SLBP: variants seen among roughly 807,000 people sequenced by gnomAD.
The protein encoded by SLBP is stem-loop histone mRNA binding protein.
SLBP carries 29 observed loss-of-function variants against 39.2 expected under a neutral mutation model. The observed-to-expected ratio is 0.74, with a 90% CI of 0.55 to 1.01. SLBP has a LOEUF of 1.01. Ranked by LOEUF, SLBP falls within the 50% of genes least tolerant of loss-of-function variation. The pLI, the probability that SLBP is intolerant of heterozygous loss-of-function variation, is 0.00. For missense variants in SLBP, 390 were observed against 350.2 expected (o/e 1.11, Z -0.91); for synonymous variants, 129 against 118.7 (o/e 1.09, Z -0.57).
intron 2 of SLBP, among the ~76,000 whole-genome samples, chr4:1,708,625 G>A (rs1716613958): frequency 6.6e-6 from 1 of 152,194 alleles, no homozygotes; most frequent in Non-Finnish European, 1.5e-5. Flanking sequence ...GCCTGTGTAT[G>A]TGAATGACCA....
At chr4:1,697,080 C>T (rs944330337) in intron 5 of SLBP, among the ~76,000 whole-genome samples, 1 of 146,496 alleles carries the variant, frequency 6.8e-6, no homozygotes, top group African/African-American at 2.5e-5. Context: ...ATTGCTTGAA[C>T]CTGGGAGGCG....
At chr4:1,706,788 A>G (rs1716533736) in intron 2 of SLBP, among the ~76,000 whole-genome samples, 1 of 117,448 alleles carries the variant, frequency 8.5e-6, no homozygotes, top group African/African-American at 2.7e-5. Context: ...GAGATCGTGC[A>G]CTGCACTCCA....
chr4:1,698,205 C>G (rs1303188200), intron 5 of SLBP, among the ~76,000 whole-genome samples: 3 of 151,340 alleles, frequency 2.0e-5, no homozygotes, highest in Middle Eastern at 3.4e-3. Flanking sequence ...ACTGAAAATA[C>G]GAAAATTAAC....
rs1716414004 is a variant in SLBP at position 1,703,665 on chromosome 4, C to A, written c.212G>T (p.Arg71Ile). 2 of 1,614,018 alleles carry A rather than the reference C, an allele frequency of 1.2e-6. No individual in the cohort carries two copies. Among genetic ancestry groups the A allele is most frequent in the Non-Finnish European group, 1.7e-6 (2 of 1,179,870 alleles). Residue 71 changes from arginine to isoleucine, a missense_variant, in exon 3 of 8, where the codon AGA (arginine) becomes ATA (isoleucine). Physicochemically the swap from Arg to Ile is moderately conservative, Grantham distance 97. Transcript: ENST00000489418. The stretch of plus-strand genomic sequence containing the variant: ...AACTGCACTTGCCCAGTCAGAGCAT[C>A]TGGAACGGGGTTTAGGGCCTTCAGG... Reference protein sequence around the residue: ...TTPEGPKPRSRCSDWASAVEE... With the variant: ...TTPEGPKPRSICSDWASAVEE...
At position 1,693,560 on chromosome 4, in the gene SLBP, G is replaced by A. The variant is rs573502231; in HGVS notation, c.*37C>T. 12 of 1,264,696 alleles carry A rather than the reference G, an allele frequency of 9.5e-6. No homozygotes were observed. Among genetic ancestry groups the A allele is most frequent in the African/African-American group, 5.9e-5 (4 of 68,244 alleles). The allele number at this position is 1,264,696 out of a possible 1,614,324, so 78.3% of individuals were successfully genotyped here. On this transcript the variant is annotated 3_prime_UTR_variant, in exon 8 of 8. Coordinates refer to ENST00000489418, the MANE Select transcript of SLBP (RefSeq NM_006527.4). ...CCTGGCCAGCCTTCCACCTAGTCGG[G>A]GAGGAGCTGTTTCTCTTCCTGGCCG...
In SLBP at chr4:1,711,933, G is replaced by A; in HGVS notation, c.117C>T (p.Arg39=). 1 of 1,353,354 alleles carries A rather than the reference G, an allele frequency of 7.4e-7. No homozygotes were observed. The highest frequency in any genetic ancestry group is 3.1e-5 in the East Asian group (1 of 32,436). The allele number at this position is 1,353,354 out of a possible 1,614,324, so 83.8% of individuals were successfully genotyped here. The change falls in exon 2 of 8, where the codon CGC becomes CGT. Residue 39 remains arginine (R), a synonymous_variant. Transcript: ENST00000489418. ...CCTCCTCGGCGTCTTCGGGCCTCCA[G>A]CGCCTGCCGTCGGCTCTGCGCTTCC... ...LGRKRRADGR[R]WRPEDAEEAE... is the part of the protein sequence containing the mutation.
At chr4:1,698,038 G>A (rs935217150) in intron 5 of SLBP, among the ~76,000 whole-genome samples, 2 of 151,712 alleles carry the variant, frequency 1.3e-5, no homozygotes, top group Admixed American at 6.6e-5. Flanking sequence ...GAGGTAGGAG[G>A]ATTGCTTGAG....
rs757123258 is a variant in SLBP, at chr4:1,703,713, G to A, written c.177-13C>T. The A allele has an allele frequency of 3.9e-6, 6 of 1,541,530 alleles. No homozygotes were observed. The South Asian group carries it at 4.5e-5, about 11-fold the overall frequency. On this transcript the variant is annotated splice_polypyrimidine_tract_variant and intron_variant, in intron 2 of 7. Coordinates refer to ENST00000489418, the MANE Select transcript of SLBP (RefSeq NM_006527.4). ...AGGAGTGGTAAAGCTGCAATAAAAG[G>A]AAAATGCTACTGAACCATGACACAT...
intron 5 of SLBP, among the ~76,000 whole-genome samples, chr4:1,698,082 T>C (rs1052328872): frequency 6.7e-6 from 1 of 150,170 alleles, no homozygotes; most frequent in East Asian, 2.0e-4. Context: ...GCCATGATGG[T>C]TGGGCGTGGT....
At chr4:1,710,778 G>A (rs1446109492) in intron 2 of SLBP, among the ~76,000 whole-genome samples, 1 of 151,790 alleles carries the variant, frequency 6.6e-6, no homozygotes, top group Non-Finnish European at 1.5e-5. Flanking sequence ...GGCCGGGCGC[G>A]GTGGCTCACA....
rs1716248464 is a variant in SLBP at position 1,699,609 on chromosome 4, C to T, written c.434G>A (p.Gly145Glu). The T allele has an allele frequency of 6.2e-7, 1 of 1,613,782 alleles. No homozygotes were observed. The highest frequency in any genetic ancestry group is 8.5e-7 in the Non-Finnish European group (1 of 1,179,784). ...ACGATCGTAGGCAATTGTGTTCTTC[C>T]CATAGTTGATCTGCTTCTGTCTCCT... is the stretch of plus-strand genomic sequence containing the variant. ...LMRRQKQINY[G>E]KNTIAYDRYI... Residue 145 changes from glycine (G) to glutamate (E), a missense_variant, in exon 5 of 8, where the codon GGG (glycine) becomes GAG (glutamate). Gly to Glu is a moderately conservative substitution (Grantham distance 98). Coordinates refer to ENST00000489418, the MANE Select transcript of SLBP (RefSeq NM_006527.4).
At position 1,694,812 on chromosome 4, in the gene SLBP, T is replaced by C; in HGVS notation, c.658A>G (p.Ser220Gly). ...GAGCTGGTCTGGGGCTCGGAGCTGCTTTCTGCAGATTCAAGGTCTACAGGG... is the reference window on the plus strand; with the variant it reads ...GAGCTGGTCTGGGGCTCGGAGCTGCCTTCTGCAGATTCAAGGTCTACAGGG... ...IHPVDLESAE[S>G]SSEPQTSSQD... Residue 220 changes from serine (S) to glycine (G), a missense_variant, in exon 7 of 8, where the codon AGC becomes GGC. By Grantham distance (56) the Ser-to-Gly change is moderately conservative. Transcript: ENST00000489418. The C allele has an allele frequency of 6.2e-7, 1 of 1,613,852 alleles. No individual in the cohort carries two copies. Among genetic ancestry groups the C allele is most frequent in the Non-Finnish European group, 8.5e-7 (1 of 1,179,712 alleles).
intron 2 of SLBP, among the ~76,000 whole-genome samples, chr4:1,704,289 A>C (rs1045071829): frequency 6.6e-6 from 1 of 152,146 alleles, no homozygotes; most frequent in Non-Finnish European, 1.5e-5. Context: ...AGAAAAACCC[A>C]TATCTAGTTT....
At chr4:1,710,983 G>A (rs558925355) in intron 2 of SLBP, among the ~76,000 whole-genome samples, 1 of 151,484 alleles carries the variant, frequency 6.6e-6, no homozygotes, top group Non-Finnish European at 1.5e-5. Flanking sequence ...CCCGGGAGGG[G>A]GAGGCTGCAG....
At position 1,701,892 on chromosome 4, in the gene SLBP, G is replaced by A. The variant is rs140868169; in HGVS notation, c.281+1704C>T. On this transcript the variant is annotated intron_variant, in intron 3 of 7. Coordinates refer to ENST00000489418, the MANE Select transcript of SLBP (RefSeq NM_006527.4). ...ATTACACTCCAGCCTGGGAAACAGA[G>A]CAAGACTCCATCTCAAAAAAATAAG... 8.0e-3 allele frequency among the ~76,000 whole-genome samples: 1,221 copies of A among 152,278 alleles called. 15 individuals are homozygous for A. Among genetic ancestry groups the A allele is most frequent in the African/African-American group, 0.029 (1,189 of 41,556 alleles).
At position 1,703,706 on chromosome 4, in the gene SLBP, AT is replaced by A. The variant is rs759564710; in HGVS notation, c.177-7del. The A allele has an allele frequency of 6.3e-7, 1 of 1,583,788 alleles. No homozygotes were observed. Among genetic ancestry groups the A allele is most frequent in the East Asian group, 2.2e-5 (1 of 44,726 alleles). ...GGCCTTCAGGAGTGGTAAAGCTGCA[AT>A]AAAAGGAAAATGCTACTGAACCATG... On this transcript the variant is annotated splice_polypyrimidine_tract_variant and splice_region_variant and intron_variant, in intron 2 of 7. Coordinates refer to ENST00000489418, the MANE Select transcript of SLBP (RefSeq NM_006527.4).
intron 5 of SLBP, among the ~76,000 whole-genome samples, chr4:1,697,352 C>T (rs1716148548): frequency 1.3e-5 from 2 of 151,550 alleles, no homozygotes; most frequent in South Asian, 4.2e-4. Context: ...ACCTGTAATC[C>T]CAGCTACTCG....
At chr4:1,697,938 C>T (rs1378404233) in intron 5 of SLBP, among the ~76,000 whole-genome samples, 2 of 152,160 alleles carry the variant, frequency 1.3e-5, no homozygotes, top group South Asian at 2.1e-4. Context: ...CCAGCCTGGG[C>T]GACATAGGGA....
chr4:1,710,331 C>A (rs1716702121), intron 2 of SLBP, among the ~76,000 whole-genome samples: 1 of 152,272 alleles, frequency 6.6e-6, no homozygotes, highest in Non-Finnish European at 1.5e-5. Context: ...CTTCCCATGC[C>A]TAGCTGCTCC....
Sources: allele counts gnomAD v4.1 joint callset (sites outside exome capture counted in the v4.1 genomes callset), GRCh38; gene constraint gnomAD v4.1.1; transcripts MANE v1.5; gene names NCBI Gene and HGNC (gene_info 2026-07-23, HGNC 2026-07-21).